PRPS2: variants seen among roughly 807,000 people sequenced by gnomAD.
The protein encoded by PRPS2 is ribose-phosphate pyrophosphokinase 2.
For synonymous variants in PRPS2, 111 were observed against 115.3 expected, an observed-to-expected ratio of 0.96 and a Z score of 0.24; for missense variants, 104 against 271.5, an observed-to-expected ratio of 0.38 and a Z score of 4.34.
chrX:12,809,131 C>A, intron 2 of PRPS2, 103 bp from the exon 3 acceptor site: 1 of 725,432 alleles, frequency 1.4e-6, no homozygotes, highest in Non-Finnish European at 2.0e-6. Flanking sequence ...TTTGATGCTT[C>A]GTTGATTGCA....
intron 1 of PRPS2, among the ~76,000 whole-genome samples, chrX:12,794,759 TTC>T (rs2042535573): frequency 8.9e-6 from 1 of 111,835 alleles, no homozygotes; most frequent in Non-Finnish European, 1.9e-5. Context: ...GGTGATGATA[TTC>T]TCTGTCCTCC....
chrX:12,804,104 A>T (rs2042582270), intron 2 of PRPS2, among the ~76,000 whole-genome samples: 2 of 109,070 alleles, frequency 1.8e-5, no homozygotes, highest in African/African-American at 6.7e-5. Flanking sequence ...TGAAAGGGGA[A>T]TTCTTAATTC....
chrX:12,818,382 A>AAG (rs1361784325), intron 4 of PRPS2, among the ~76,000 whole-genome samples: 1 of 105,072 alleles, frequency 9.5e-6, no homozygotes, highest in East Asian at 3.1e-4. Context: ...AAAAAAAAAA[A>AAG]AAGAAAAGAA....
intron 2 of PRPS2, among the ~76,000 whole-genome samples, chrX:12,807,304 C>G (rs1256612778): frequency 8.9e-6 from 1 of 111,969 alleles, no homozygotes; most frequent in African/African-American, 3.2e-5. Flanking sequence ...CTCAAGGGAG[C>G]AGCCCTCATG....
Position 12,818,677 on chromosome X carries a change from G to C in PRPS2, c.531-830G>C, listed in dbSNP as rs147710058. Among the ~76,000 whole-genome samples, 204 of 112,016 alleles carry C rather than the reference G, an allele frequency of 1.8e-3. 1 individual carries two copies. The highest frequency in any genetic ancestry group is 5.8e-3 in the African/African-American group (180 of 30,840). ...CATTTTTTCAGCTAAATTGCATAAT[G>C]ACTGTTATTTTAAAAACTGGAAAAG... On this transcript the variant is annotated intron_variant, in intron 4 of 6. Transcript: ENST00000380668.
At chrX:12,799,902 A>C in intron 2 of PRPS2, among the ~76,000 whole-genome samples, 1 of 111,831 alleles carries the variant, frequency 8.9e-6, no homozygotes, top group Admixed American at 9.5e-5. Context: ...TAAAAAAAAA[A>C]CCCATGATCT....
chrX:12,815,158 T>C (rs965457317), intron 4 of PRPS2, among the ~76,000 whole-genome samples: 3 of 111,952 alleles, frequency 2.7e-5, no homozygotes, highest in African/African-American at 9.8e-5. Context: ...CCCAGGAAGC[T>C]GTTTGCAGGG....
chrX:12,815,632 T>C (rs1048614742), intron 4 of PRPS2, among the ~76,000 whole-genome samples: 1 of 111,537 alleles, frequency 9.0e-6, no homozygotes, highest in African/African-American at 3.3e-5. Context: ...ATAATAGAAC[T>C]GTACGTGTTT....
intron 6 of PRPS2, among the ~76,000 whole-genome samples, chrX:12,821,183 A>G (rs989123654): frequency 8.0e-5 from 9 of 112,304 alleles, no homozygotes; most frequent in African/African-American, 2.3e-4. Flanking sequence ...ACTATTCACA[A>G]TAACCAAAAG....
intron 2 of PRPS2, among the ~76,000 whole-genome samples, chrX:12,803,957 A>G (rs1425358185): frequency 1.8e-5 from 2 of 111,202 alleles, no homozygotes; most frequent in Non-Finnish European, 3.8e-5. Context: ...GGCAAGTGAC[A>G]TAGGGCCACC....
In PRPS2 at chrX:12,822,868, G is replaced by C; in HGVS notation, c.*72G>C. 1.2e-6 allele frequency: 1 copy of C among 862,502 alleles called. No individual in the cohort carries two copies. The highest frequency in any genetic ancestry group is 1.7e-6 in the Non-Finnish European group (1 of 586,702). 71.1% of individuals were successfully genotyped at this position (862,502 alleles called of 1,213,427 possible). On this transcript the variant is annotated 3_prime_UTR_variant, in exon 7 of 7. Transcript: ENST00000380668. ...GTTTTTGTTTTCTGGATTTTTAGCT[G>C]TAGGTATTCAGCAATGATAGGTTAA...
At chrX:12,816,363 G>A (rs889492509) in intron 4 of PRPS2, among the ~76,000 whole-genome samples, 3 of 110,796 alleles carry the variant, frequency 2.7e-5, no homozygotes, top group Non-Finnish European at 5.7e-5. Flanking sequence ...GTGTAGTGGC[G>A]CGATCACAGC....
intron 1 of PRPS2, among the ~76,000 whole-genome samples, chrX:12,798,164 A>C (rs1352132801): frequency 8.9e-6 from 1 of 112,621 alleles, no homozygotes; most frequent in Non-Finnish European, 1.9e-5. Flanking sequence ...AAAACTTAGC[A>C]GATAAAAAGG....
At chrX:12,808,788 A>G (rs1488447573) in intron 2 of PRPS2, among the ~76,000 whole-genome samples, 1 of 111,834 alleles carries the variant, frequency 8.9e-6, no homozygotes, top group Non-Finnish European at 1.9e-5. Context: ...CTGTCCTTCT[A>G]GAACACTATT....
At chrX:12,805,972 C>T (rs767894655) in intron 2 of PRPS2, among the ~76,000 whole-genome samples, 2 of 110,757 alleles carry the variant, frequency 1.8e-5, no homozygotes, top group Non-Finnish European at 3.8e-5. Context: ...ACTCAGGGGG[C>T]TGGGGCAGGA....
chrX:12,805,692 G>A lies in PRPS2; in HGVS notation c.307-3542G>A, dbSNP rs148865388. 3.1e-3 allele frequency among the ~76,000 whole-genome samples: 352 copies of A among 112,413 alleles called. 2 individuals carry two copies. Among genetic ancestry groups the A allele is most frequent in the African/African-American group, 0.011 (332 of 30,993 alleles). On this transcript the variant is annotated intron_variant, in intron 2 of 6. Transcript: ENST00000380668. ...CTCACAGGTTATGCAAAAACAGGCTGTGGGCTAAGTTTGGCCCATGGATTC... is the reference window on the plus strand; with the variant it reads ...CTCACAGGTTATGCAAAAACAGGCTATGGGCTAAGTTTGGCCCATGGATTC...
intron 6 of PRPS2, among the ~76,000 whole-genome samples, chrX:12,821,451 T>TG (rs200504130): frequency 1.8e-3 from 95 of 53,610 alleles, no homozygotes; most frequent in East Asian, 4.1e-3. Flanking sequence ...GGTCTGGGGG[T>TG]GGGGGGGGCA....
intron 3 of PRPS2, 32 bp from the exon 4 acceptor site, chrX:12,809,989 AC>A: frequency 8.8e-7 from 1 of 1,130,526 alleles, no homozygotes; most frequent in Non-Finnish European, 1.2e-6. Context: ...ACAAAACAAA[AC>A]CCTGCAACAT....
intron 2 of PRPS2, among the ~76,000 whole-genome samples, chrX:12,806,639 G>A (rs4639691): frequency 9.0e-6 from 1 of 111,559 alleles, no homozygotes; most frequent in Non-Finnish European, 1.9e-5. Flanking sequence ...ATCAGAAAGC[G>A]TGAATTTAGG....
Sources: allele counts gnomAD v4.1 joint callset (sites outside exome capture counted in the v4.1 genomes callset), GRCh38; gene constraint gnomAD v4.1.1; transcripts MANE v1.5; gene names NCBI Gene and HGNC (gene_info 2026-07-23, HGNC 2026-07-21).